The following CR1L variants were observed in gnomAD, a reference collection of about 807,000 sequenced individuals.
CR1L encodes the protein complement C3b/C4b receptor 1 like.
CR1L carries 59 observed loss-of-function variants against 62.3 expected under a neutral mutation model. That is an observed-to-expected ratio of 0.95 (90% CI 0.77 to 1.18). The LOEUF is 1.18. CR1L is among the 50% of genes most tolerant of loss of function. The probability of loss-of-function intolerance (pLI) is 0.00; values close to 1 mark genes in which losing one functional copy is unlikely to be tolerated. For synonymous variants in CR1L, 279 were observed against 248.7 expected, an observed-to-expected ratio of 1.12 and a Z score of -1.15; for missense variants, 700 against 702.8, an observed-to-expected ratio of 1.00 and a Z score of 0.04.
chr1:207,645,392 G>C, intron 1 of CR1L, 62 bp downstream of exon 1: 1 of 1,571,198 alleles, frequency 6.4e-7, no homozygotes, highest in Non-Finnish European at 8.8e-7. Flanking sequence ...CAGTCAGTCG[G>C]GCAGGAGGCG....
At chr1:207,681,348 A>T (rs1182355653) in intron 3 of CR1L, among the ~76,000 whole-genome samples, 1 of 152,144 alleles carries the variant, frequency 6.6e-6, no homozygotes, top group East Asian at 1.9e-4. Flanking sequence ...TCCCCAGGAG[A>T]TCCAAAAAGG....
chr1:207,723,576 C>CATGCCAGAG, intron 11 of CR1L, 42 bp from the exon 12 acceptor site: 1 of 1,480,660 alleles, frequency 6.8e-7, no homozygotes, highest in Non-Finnish European at 9.3e-7. Context: ...AATCATGTTG[C>CATGCCAGAG]ATGCCAGAGT....
chr1:207,703,559 C>T (rs1205456088), intron 9 of CR1L, among the ~76,000 whole-genome samples: 1 of 152,216 alleles, frequency 6.6e-6, no homozygotes, highest in Admixed American at 6.5e-5. Context: ...CAGGCAAGAG[C>T]TCTGATGGAG....
At chr1:207,697,174 C>T (rs1157674684) in intron 5 of CR1L, among the ~76,000 whole-genome samples, 2 of 152,166 alleles carry the variant, frequency 1.3e-5, no homozygotes, top group African/African-American at 4.8e-5. Context: ...AATCCATCAT[C>T]CCTCCCAATT....
At chr1:207,715,465 G>A (rs1173666739) in intron 10 of CR1L, 82 of 962,290 alleles carry the variant, frequency 8.5e-5, no homozygotes, top group Admixed American at 2.5e-4. Flanking sequence ...TTTACTGCAC[G>A]GAATCACTTG....
intron 3 of CR1L, among the ~76,000 whole-genome samples, chr1:207,682,996 C>CTTTCTT (rs71154834): frequency 1.5e-5 from 2 of 133,106 alleles, no homozygotes; most frequent in African/African-American, 2.8e-5. Flanking sequence ...TTCTTTTTTT[C>CTTTCTT]TTTCTTTCTT....
At chr1:207,710,076 G>A (rs891369457) in intron 10 of CR1L, among the ~76,000 whole-genome samples, 19 of 152,124 alleles carry the variant, frequency 1.2e-4, no homozygotes, top group Non-Finnish European at 2.9e-5. Context: ...CGGGCACGAT[G>A]GCTCACGCCT....
chr1:207,721,027 T>G (rs1654124035), intron 11 of CR1L, among the ~76,000 whole-genome samples: 1 of 152,160 alleles, frequency 6.6e-6, no homozygotes, highest in East Asian at 1.9e-4. Flanking sequence ...CAGTTCTGCA[T>G]AGTTCGATGC....
At chr1:207,668,538 A>T (rs929534662) in intron 1 of CR1L, among the ~76,000 whole-genome samples, 3 of 150,974 alleles carry the variant, frequency 2.0e-5, no homozygotes, top group Non-Finnish European at 4.4e-5. Flanking sequence ...TGGGAGATGG[A>T]GAGAGATTGG....
At chr1:207,715,438 T>C (rs1653971319) in intron 10 of CR1L, 3 of 1,371,918 alleles carry the variant, frequency 2.2e-6, no homozygotes, top group South Asian at 2.3e-5. Flanking sequence ...GCTCTCCTTA[T>C]TTTTGTTTTC....
At chr1:207,708,357 A>G (rs1370666065) in intron 10 of CR1L, 94 bp downstream of exon 10, 6 of 1,474,898 alleles carry the variant, frequency 4.1e-6, no homozygotes, top group African/African-American at 1.4e-5. Flanking sequence ...CCTCTTGGAA[A>G]TGGTATCCTT....
At chr1:207,650,547 T>C (rs1004361455) in intron 1 of CR1L, among the ~76,000 whole-genome samples, 4 of 151,994 alleles carry the variant, frequency 2.6e-5, no homozygotes, top group Admixed American at 6.5e-5. Context: ...AGAAATAAAA[T>C]TGAAATATGT....
intron 11 of CR1L, among the ~76,000 whole-genome samples, chr1:207,720,437 C>T (rs2761424): frequency 0.23 from 35,432 of 151,970 alleles, 4,682 homozygotes; most frequent in Admixed American, 0.29. Context: ...TAACCTGGGG[C>T]GGTGGTCCAG....
chr1:207,666,322 G>T (rs6671969), intron 1 of CR1L, among the ~76,000 whole-genome samples: 144 of 152,016 alleles, frequency 9.5e-4, no homozygotes, highest in Admixed American at 1.6e-3. Flanking sequence ...ATTTACTTAT[G>T]CATTACAAAA....
intron 1 of CR1L, among the ~76,000 whole-genome samples, chr1:207,654,190 C>A (rs1188119850): frequency 6.6e-6 from 1 of 152,120 alleles, no homozygotes; most frequent in Non-Finnish European, 1.5e-5. Flanking sequence ...TAGAGACAAA[C>A]CAGATTCAAA....
At chr1:207,704,329 T>C (rs1480290827) in intron 9 of CR1L, among the ~76,000 whole-genome samples, 2 of 152,208 alleles carry the variant, frequency 1.3e-5, no homozygotes, top group African/African-American at 2.4e-5. Context: ...TTACTTCTTA[T>C]GGATGAGCAG....
chr1:207,708,936 A>T (rs1664310858), intron 10 of CR1L: 1 of 361,608 alleles, frequency 2.8e-6, no homozygotes, highest in Non-Finnish European at 5.4e-6. Context: ...CAGTTCTTCC[A>T]AGATCAGATG....
Position 207,656,239 on chromosome 1 carries a change from AAATC to A in CR1L, c.97+10935_97+10938del, listed in dbSNP as rs34072066. ...GGCGACAGAGCGAGATTCCGTCTCA[AAATC>A]AATCAATCAATCAATCAATCAATCA... is the stretch of plus-strand genomic sequence containing the variant. On this transcript the variant is annotated intron_variant, in intron 1 of 11. Coordinates refer to ENST00000508064, the MANE Select transcript of CR1L (RefSeq NM_175710.2). Among the ~76,000 whole-genome samples the A allele has an allele frequency of 1.5e-3, 234 of 151,706 alleles. 2 individuals are homozygous for A. Among genetic ancestry groups the A allele is most frequent in the Non-Finnish European group, 2.0e-3 (135 of 67,922 alleles).
intron 1 of CR1L, among the ~76,000 whole-genome samples, chr1:207,649,770 T>C (rs1392678961): frequency 6.6e-6 from 1 of 152,194 alleles, no homozygotes; most frequent in African/African-American, 2.4e-5. Context: ...CCTGAGGTCA[T>C]TGGAGAGCCA....
Sources: allele counts gnomAD v4.1 joint callset (sites outside exome capture counted in the v4.1 genomes callset), GRCh38; gene constraint gnomAD v4.1.1; transcripts MANE v1.5; gene names NCBI Gene and HGNC (gene_info 2026-07-23, HGNC 2026-07-21).